KAT5: variants seen among roughly 807,000 people sequenced by gnomAD.
KAT5 encodes lysine acetyltransferase 5.
In KAT5, 31 loss-of-function variants were observed where a neutral mutation model predicts 68.1. That is an observed-to-expected ratio of 0.46 (90% CI 0.34 to 0.61). The LOEUF is 0.61. Ranked by LOEUF, KAT5 falls within the 20% of genes least tolerant of loss-of-function variation. The pLI is 0.01. For missense variants in KAT5, 451 were observed against 725.5 expected (o/e 0.62, Z 4.35); for synonymous variants, 365 against 292.6 (o/e 1.25, Z -2.52).
chr11:65,719,527 G>A lies in KAT5; in HGVS notation c.*346G>A, dbSNP rs1487420541. ...CTTTTGTAAAGTAGAAGTTGGGGGT[G>A]GGGTGGGTGCTGGCTGCAAAAATTT... On this transcript the variant is annotated 3_prime_UTR_variant, in exon 13 of 13. Coordinates refer to ENST00000341318, the MANE Select transcript of KAT5 (RefSeq NM_182710.3). 1.6e-6 allele frequency: 1 copy of A among 614,332 alleles called. No homozygotes were observed. Among genetic ancestry groups the A allele is most frequent in the Non-Finnish European group, 2.9e-6 (1 of 348,924 alleles). 38.1% of individuals were successfully genotyped at this position (614,332 alleles called of 1,614,324 possible).
At chr11:65,716,867 C>T (rs1857213328) in intron 9 of KAT5, 22 bp from the exon 10 acceptor site, 1 of 1,613,308 alleles carries the variant, frequency 6.2e-7, no homozygotes, top group Non-Finnish European at 8.5e-7. Flanking sequence ...TTCCCTGACA[C>T]TCACCTGTCC....
chr11:65,719,145 C>T lies in KAT5; in HGVS notation c.1605C>T (p.Phe535=). Residue 535 remains phenylalanine (F), a synonymous_variant, in exon 13 of 13, where the codon TTC becomes TTT. Coordinates refer to ENST00000341318, the MANE Select transcript of KAT5 (RefSeq NM_182710.3). ...GGATCGACTCCAAGTGTCTGCACTT[C>T]ACTCCCAAGGACTGGAGCAAGAGGG... ...LLRIDSKCLH[F]TPKDWSKRGK... is the part of the protein sequence containing the mutation. 6.2e-7 allele frequency: 1 copy of T among 1,614,222 alleles called. No homozygotes were observed.
intron 3 of KAT5, 101 bp downstream of exon 3, chr11:65,713,159 C>T (rs968416357): frequency 6.7e-7 from 1 of 1,481,620 alleles, no homozygotes; most frequent in Admixed American, 1.8e-5. Context: ...CTCCCTCTCA[C>T]CCTGACTTCA....
intron 6 of KAT5, 77 bp from the exon 7 acceptor site, chr11:65,714,418 C>T: frequency 1.3e-6 from 2 of 1,533,908 alleles, no homozygotes; most frequent in Non-Finnish European, 1.8e-6. Flanking sequence ...TGAAGGAAAC[C>T]TGTCAAAGGG....
At chr11:65,713,178 A>G in intron 3 of KAT5, 120 bp downstream of exon 3, 1 of 1,406,298 alleles carries the variant, frequency 7.1e-7, no homozygotes, top group East Asian at 2.3e-5. Flanking sequence ...CATCTTGCAA[A>G]GGATGGGGGC....
chr11:65,714,629 C>T lies in KAT5; in HGVS notation c.825C>T (p.Leu275=). The T allele has an allele frequency of 6.2e-7, 1 of 1,614,222 alleles. No individual in the cohort carries two copies. Among genetic ancestry groups the T allele is most frequent in the African/African-American group, 1.3e-5 (1 of 75,064 alleles). ...GCATTGAGCTGGGCCGGCACCGCCT[C>T]AAGCCGTGGTACTTCTCCCCGTACC... is the stretch of plus-strand genomic sequence containing the variant. ...IECIELGRHR[L]KPWYFSPYPQ... Residue 275 remains leucine, a synonymous_variant, in exon 7 of 13, where the codon CTC becomes CTT. Transcript: ENST00000341318.
intron 10 of KAT5, 64 bp from the exon 11 acceptor site, chr11:65,718,526 T>G (rs1857283844): frequency 4.5e-6 from 7 of 1,551,468 alleles, no homozygotes; most frequent in Non-Finnish European, 6.1e-6. Flanking sequence ...CAACCTGTGT[T>G]TTTAAATGTT....
intron 7 of KAT5, 27 bp from the exon 8 acceptor site, chr11:65,714,794 T>TG: frequency 6.2e-7 from 1 of 1,614,206 alleles, no homozygotes; most frequent in Non-Finnish European, 8.5e-7. Flanking sequence ...ACGTTGCCCT[T>TG]GTTCCTGATC....
chr11:65,712,344 C>T lies in KAT5; in HGVS notation c.77C>T (p.Pro26Leu), dbSNP rs777774982. The T allele has an allele frequency of 1.3e-6, 2 of 1,527,992 alleles. No homozygotes were observed. The highest frequency in any genetic ancestry group is 1.7e-6 in the Non-Finnish European group (2 of 1,148,122). The allele number at this position is 1,527,992 out of a possible 1,614,324, so 94.7% of individuals were successfully genotyped here. ...PGEVGRARGPPVADPGVALSP... is the reference protein window; with the variant it reads ...PGEVGRARGPLVADPGVALSP... Reference sequence around the variant, plus strand: ...GAGGTGGGTAGAGCCCGAGGCCCCCCAGTAGCCGACCCTGGCGTCGCGCTG... The same window carrying T: ...GAGGTGGGTAGAGCCCGAGGCCCCCTAGTAGCCGACCCTGGCGTCGCGCTG... The change falls in exon 1 of 13, where the codon CCA becomes CTA. Residue 26 changes from proline (P) to leucine (L), a missense_variant. Physicochemically the swap from Pro to Leu is moderately conservative, Grantham distance 98. Transcript: ENST00000341318.
chr11:65,713,957 A>G, intron 6 of KAT5, 109 bp downstream of exon 6: 2 of 1,019,858 alleles, frequency 2.0e-6, no homozygotes, highest in Non-Finnish European at 2.9e-6. Flanking sequence ...TGGTGGGCAG[A>G]GCTAGTGTTG....
In KAT5 at chr11:65,714,819, A is replaced by G; in HGVS notation, c.940-2A>G. On this transcript the variant is annotated splice_acceptor_variant, in intron 7 of 12. Coordinates refer to ENST00000341318, the MANE Select transcript of KAT5 (RefSeq NM_182710.3). LOFTEE classifies it high-confidence loss of function. ...TGTTCCTGATCCTCCTCTCTTCCCC[A>G]GACCAAGTGTGACCTACGACATCCT... 6.2e-7 allele frequency: 1 copy of G among 1,614,200 alleles called. No homozygotes were observed.
intron 9 of KAT5, 21 bp downstream of exon 9, chr11:65,716,828 T>A: frequency 6.2e-7 from 1 of 1,614,096 alleles, no homozygotes; most frequent in South Asian, 1.1e-5. Context: ...GCCCAAGCTG[T>A]CCCTGTGCCC....
At position 65,719,299 on chromosome 11, in the gene KAT5, A is replaced by G. The variant is rs1320622853; in HGVS notation, c.*118A>G. 2.4e-6 allele frequency: 3 copies of G among 1,272,262 alleles called. No individual in the cohort carries two copies. The highest frequency in any genetic ancestry group is 3.2e-6 in the Non-Finnish European group (3 of 928,426). 78.8% of individuals were successfully genotyped at this position (1,272,262 alleles called of 1,614,324 possible). A position where few individuals can be genotyped will look rare whatever the true frequency, so the allele number is the denominator to read the frequency against. On this transcript the variant is annotated 3_prime_UTR_variant, in exon 13 of 13. Transcript: ENST00000341318. ...GGGAGATGGGGCTGAGGACAGCTCA[A>G]AAAGGAGAGGACAGGCCTGGCAGGG... is the stretch of plus-strand genomic sequence containing the variant.
At chr11:65,712,024 C>T (rs1327858392), upstream of KAT5, 3 of 389,436 alleles carry the variant, frequency 7.7e-6, no homozygotes, top group Non-Finnish European at 1.4e-5. Flanking sequence ...CGTCACGTGA[C>T]GGACTCAGTA....
chr11:65,719,073 G>A lies in KAT5; in HGVS notation c.1533G>A (p.Glu511=), dbSNP rs1590970674. 3 of 1,614,170 alleles carry A rather than the reference G, an allele frequency of 1.9e-6. No homozygotes were observed. The highest frequency in any genetic ancestry group is 1.3e-5 in the African/African-American group (1 of 75,048). ...GCCAGTACATCCTCACACTGTCAGAGGACATCGTGGATGGCCATGAGCGGG... is the reference window on the plus strand; with the variant it reads ...GCCAGTACATCCTCACACTGTCAGAAGACATCGTGGATGGCCATGAGCGGG... ...YKGQYILTLS[E]DIVDGHERAM... is the part of the protein sequence containing the mutation. The change falls in exon 13 of 13, where the codon GAG becomes GAA. Residue 511 remains glutamate (E), a synonymous_variant. Coordinates refer to ENST00000341318, the MANE Select transcript of KAT5 (RefSeq NM_182710.3).
Position 65,714,139 on chromosome 11 carries a change from A to C in KAT5, c.690+291A>C. 8 of 511,198 alleles carry C rather than the reference A, an allele frequency of 1.6e-5. No individual in the cohort carries two copies. The South Asian group carries it at 1.8e-4, about 11-fold the overall frequency. 31.7% of individuals were successfully genotyped at this position (511,198 alleles called of 1,614,324 possible). ...CATGGTGAAACCTTGTTTCTACTAGAAATACAAAAATTAGCCAGGCGTGGT... is the reference window on the plus strand; with the variant it reads ...CATGGTGAAACCTTGTTTCTACTAGCAATACAAAAATTAGCCAGGCGTGGT... On this transcript the variant is annotated intron_variant, in intron 6 of 12. Coordinates refer to ENST00000341318, the MANE Select transcript of KAT5 (RefSeq NM_182710.3).
rs1243956969 is a variant in KAT5 at position 65,716,765 on chromosome 11, G to A, written c.1128G>A (p.Glu376=). 3 of 1,613,930 alleles carry A rather than the reference G, an allele frequency of 1.9e-6. No homozygotes were observed. Among genetic ancestry groups the A allele is most frequent in the South Asian group, 2.2e-5 (2 of 91,078 alleles). ...CTTTCCTCTTCTACGTCATGACAGAGTATGACTGTAAGGGCTTCCACATCG... is the reference window on the plus strand; with the variant it reads ...CTTTCCTCTTCTACGTCATGACAGAATATGACTGTAAGGGCTTCCACATCG... ...TDPFLFYVMT[E]YDCKGFHIVG... Residue 376 remains glutamate (E), a synonymous_variant, in exon 9 of 13, where the codon GAG becomes GAA. Transcript: ENST00000341318.
At chr11:65,712,194 C>T, upstream of KAT5, 4 of 1,363,054 alleles carry the variant, frequency 2.9e-6, no homozygotes, top group Non-Finnish European at 3.8e-6. Context: ...TCGTGAGGCC[C>T]GGGCCCACAG....
Position 65,713,476 on chromosome 11 carries a change from C to T in KAT5, c.513C>T (p.Ser171=). The change falls in exon 4 of 13, where the codon TCC becomes TCT. Residue 171 remains serine, a synonymous_variant. Coordinates refer to ENST00000341318, the MANE Select transcript of KAT5 (RefSeq NM_182710.3). ...CTGACCAGCCGCTCTCCTCCAGCTCCTGCCTGCAGCCCAACCACCGCTCAA... is the reference window on the plus strand; with the variant it reads ...CTGACCAGCCGCTCTCCTCCAGCTCTTGCCTGCAGCCCAACCACCGCTCAA... ...GEPDQPLSSS[S]CLQPNHRSTK... 1 of 1,614,242 alleles carries T rather than the reference C, an allele frequency of 6.2e-7. No homozygotes were observed. The highest frequency in any genetic ancestry group is 1.1e-5 in the South Asian group (1 of 91,086).
Sources: allele counts gnomAD v4.1 joint callset, GRCh38; gene constraint gnomAD v4.1.1; transcripts MANE v1.5; gene names NCBI Gene and HGNC (gene_info 2026-07-23, HGNC 2026-07-21).